SCRN1: variants seen among roughly 807,000 people sequenced by gnomAD.
SCRN1 encodes the protein secernin-1.
A neutral mutation model predicts 43.3 loss-of-function variants in SCRN1; 19 were observed. The observed-to-expected ratio is 0.44, with a 90% confidence interval of 0.31 to 0.64. The LOEUF (loss-of-function observed/expected upper bound fraction) is 0.64. Among genes scored for constraint, SCRN1 ranks in the 30% least tolerant of loss-of-function variants. The pLI is 0.09. For missense variants in SCRN1, 447 were observed against 524.1 expected (o/e 0.85, Z 1.44); for synonymous variants, 183 against 188.9 (o/e 0.97, Z 0.26).
rs561567570 is a variant in SCRN1, at chr7:29,971,558, G to A, written c.-1-2490C>T. On this transcript the variant is annotated intron_variant, in intron 1 of 7. Transcript: ENST00000242059. Reference sequence around the variant, plus strand: ...TGAGGAGGGAGGATCATTTGAGCCCGGAGAGGCTGAGGCTGCAGTGAGCCG... The same window carrying A: ...TGAGGAGGGAGGATCATTTGAGCCCAGAGAGGCTGAGGCTGCAGTGAGCCG... Among the ~76,000 whole-genome samples, 12 of 151,696 alleles carry A rather than the reference G, an allele frequency of 7.9e-5. 1 individual carries two copies. The highest frequency in any genetic ancestry group is 3.9e-4 in the Admixed American group (6 of 15,250).
chr7:29,984,451 T>C (rs566005726), intron 1 of SCRN1, among the ~76,000 whole-genome samples: 1 of 151,838 alleles, frequency 6.6e-6, no homozygotes, highest in South Asian at 2.1e-4. Context: ...AATGAGAAAC[T>C]AGGAAATACA....
chr7:29,978,472 T>C (rs921345323), intron 1 of SCRN1, among the ~76,000 whole-genome samples: 8 of 152,056 alleles, frequency 5.3e-5, no homozygotes, highest in African/African-American at 1.4e-4. Flanking sequence ...CTTTGTGTAA[T>C]TGCACTCACT....
intron 6 of SCRN1, among the ~76,000 whole-genome samples, chr7:29,930,603 C>T (rs758670830): frequency 5.3e-5 from 8 of 152,202 alleles, no homozygotes; most frequent in East Asian, 3.8e-4. Context: ...ATGCATGGGA[C>T]GCCCCCGAGT....
chr7:29,933,979 C>G (rs1481362349), intron 6 of SCRN1, among the ~76,000 whole-genome samples: 1 of 152,158 alleles, frequency 6.6e-6, no homozygotes, highest in Non-Finnish European at 1.5e-5. Context: ...ACTTTCTTGC[C>G]TAAAAACCTA....
chr7:29,926,412 C>G (rs1786954849), intron 7 of SCRN1, 40 bp downstream of exon 7: 1 of 1,592,614 alleles, frequency 6.3e-7, no homozygotes. Context: ...CTCGCCCGCC[C>G]GCCTCCGCCT....
chr7:29,968,536 G>A (rs987651933), intron 2 of SCRN1, among the ~76,000 whole-genome samples: 1 of 152,196 alleles, frequency 6.6e-6, no homozygotes. Flanking sequence ...ATATATATGT[G>A]TAATTTTGCA....
intron 2 of SCRN1, among the ~76,000 whole-genome samples, chr7:29,968,466 A>T (rs1398030139): frequency 6.6e-6 from 1 of 152,232 alleles, no homozygotes; most frequent in Non-Finnish European, 1.5e-5. Context: ...TGCTGCTGTT[A>T]ATCGAAGAAA....
chr7:29,986,355 T>G (rs1243855086), intron 1 of SCRN1, among the ~76,000 whole-genome samples: 1 of 152,228 alleles, frequency 6.6e-6, no homozygotes, highest in Non-Finnish European at 1.5e-5. Flanking sequence ...ACCCAATATA[T>G]CCAACATGTT....
At chr7:29,961,662 C>T (rs1345316932) in intron 2 of SCRN1, among the ~76,000 whole-genome samples, 1 of 151,822 alleles carries the variant, frequency 6.6e-6, no homozygotes, top group Non-Finnish European at 1.5e-5. Flanking sequence ...AGAGGCGCCC[C>T]TCACCTCCCG....
rs141492932 is a variant in SCRN1 at position 29,955,202 on chromosome 7, G to A, written c.318C>T (p.Ala106=). The change falls in exon 3 of 8, where the codon GCC becomes GCT. Residue 106 remains alanine (A), a synonymous_variant. Transcript: ENST00000242059. The part of the protein sequence containing the change: ...NTREPAAEIE[A]LLGMDLVRLG... ...ACCTGACCAGATCCATCCCCAGCAAGGCTTCTATCTCGGCAGCTGGCTCTC... is the reference window on the plus strand; with the variant it reads ...ACCTGACCAGATCCATCCCCAGCAAAGCTTCTATCTCGGCAGCTGGCTCTC... 1.9e-6 allele frequency: 3 copies of A among 1,614,022 alleles called. No individual in the cohort carries two copies. The highest frequency in any genetic ancestry group is 2.7e-5 in the African/African-American group (2 of 74,916).
intron 1 of SCRN1, among the ~76,000 whole-genome samples, chr7:29,980,462 T>C (rs1420890914): frequency 6.6e-6 from 1 of 152,194 alleles, no homozygotes; most frequent in Admixed American, 6.5e-5. Flanking sequence ...AAACAGTGCA[T>C]TGTGTATTCT....
intron 1 of SCRN1, among the ~76,000 whole-genome samples, chr7:29,983,146 T>A (rs2127932978): frequency 6.6e-6 from 1 of 152,060 alleles, no homozygotes; most frequent in South Asian, 2.1e-4. Flanking sequence ...CCAAGAAGTG[T>A]CTCTTCTTTG....
chr7:29,926,780 G>A lies in SCRN1; in HGVS notation c.906-148C>T, dbSNP rs1173165017. 41 of 655,362 alleles carry A rather than the reference G, an allele frequency of 6.3e-5. No homozygotes were observed. In the East Asian group the frequency reaches 1.1e-3, roughly 18 times the overall value. 40.6% of individuals were successfully genotyped at this position (655,362 alleles called of 1,614,324 possible). ...ACGGGTGGGTGGGTGAGTGCCAAGAGAGACATAACTGCATGTTTTAGTCGC... is the reference window on the plus strand; with the variant it reads ...ACGGGTGGGTGGGTGAGTGCCAAGAAAGACATAACTGCATGTTTTAGTCGC... On this transcript the variant is annotated intron_variant, in intron 6 of 7. Coordinates refer to ENST00000242059, the MANE Select transcript of SCRN1 (RefSeq NM_014766.5).
intron 4 of SCRN1, among the ~76,000 whole-genome samples, chr7:29,941,700 G>C (rs1787563142): frequency 6.6e-6 from 1 of 152,194 alleles, no homozygotes. Flanking sequence ...TCACTTTGAT[G>C]AATGAGGGCT....
rs370773240 is a variant in SCRN1, at chr7:29,929,190, C to T, written c.906-2558G>A. The stretch of plus-strand genomic sequence containing the variant: ...TTCAGTGGTAGACAGGCCCGGGGCT[C>T]CCACCCAGCAGCCCAGAGTCAGCTC... On this transcript the variant is annotated intron_variant, in intron 6 of 7. Transcript: ENST00000242059. 1.1e-4 allele frequency among the ~76,000 whole-genome samples: 16 copies of T among 152,316 alleles called. 1 individual carries two copies. The East Asian group carries it at 1.2e-3, about 11-fold the overall frequency.
intron 1 of SCRN1, among the ~76,000 whole-genome samples, chr7:29,979,069 T>A (rs1342429157): frequency 6.6e-6 from 1 of 152,204 alleles, no homozygotes; most frequent in African/African-American, 2.4e-5. Context: ...AATTTTTTTA[T>A]GTCAAAAATT....
chr7:29,976,447 C>A (rs1165067204), intron 1 of SCRN1, among the ~76,000 whole-genome samples: 1 of 152,180 alleles, frequency 6.6e-6, no homozygotes, highest in Non-Finnish European at 1.5e-5. Flanking sequence ...AAGTTGTTTA[C>A]AATCTGCGTA....
intron 1 of SCRN1, among the ~76,000 whole-genome samples, chr7:29,977,247 CCA>C (rs1174148846): frequency 6.6e-6 from 1 of 152,206 alleles, no homozygotes; most frequent in Non-Finnish European, 1.5e-5. Context: ...TCCCTATTCT[CCA>C]CACTACCAGC....
intron 2 of SCRN1, among the ~76,000 whole-genome samples, chr7:29,968,311 C>T (rs1788560877): frequency 6.6e-6 from 1 of 151,946 alleles, no homozygotes; most frequent in Admixed American, 6.6e-5. Flanking sequence ...GGAATTATGA[C>T]CTGCATGTAC....
Sources: allele counts gnomAD v4.1 joint callset (sites outside exome capture counted in the v4.1 genomes callset), GRCh38; gene constraint gnomAD v4.1.1; transcripts MANE v1.5; gene names NCBI Gene and HGNC (gene_info 2026-07-23, HGNC 2026-07-21).